CCDC197: variants seen among roughly 807,000 people sequenced by gnomAD.
The protein encoded by CCDC197 is uncharacterized protein CCDC197.
Under a neutral mutation model 13.4 loss-of-function variants are expected in CCDC197, and 24 were observed. That is an observed-to-expected ratio of 1.80 (90% CI 1.30 to 2.53). The LOEUF (loss-of-function observed/expected upper bound fraction) is 2.53, where lower values mean the gene tolerates loss of function less well. Among genes scored for constraint, CCDC197 ranks in the 30% most tolerant of loss-of-function variants. CCDC197 has a pLI of 0.00. For synonymous variants in CCDC197, 99 were observed against 55.5 expected, an observed-to-expected ratio of 1.78 and a Z score of -3.48; for missense variants, 255 against 148.8, an observed-to-expected ratio of 1.71 and a Z score of -3.71.
At chr14:93,990,998 A>G (rs1315832050) in intron 1 of CCDC197, among the ~76,000 whole-genome samples, 1 of 152,160 alleles carries the variant, frequency 6.6e-6, no homozygotes, top group African/African-American at 2.4e-5. Context: ...GCAGCTCATG[A>G]CTGATGAGAG....
rs1890604505 is a variant in CCDC197, at chr14:94,003,800, A to C, written c.498+446A>C. ...TTTGAGGGGTCCGATGTTACTTCACAGATGGGAAAACTGAGGCCACAGATA... is the reference window on the plus strand; with the variant it reads ...TTTGAGGGGTCCGATGTTACTTCACCGATGGGAAAACTGAGGCCACAGATA... On this transcript the variant is annotated intron_variant, in intron 5 of 6. Coordinates refer to ENST00000636493, the MANE Select transcript of CCDC197 (RefSeq NM_001351596.2). The surrounding 1 kb of genome is among the most constrained non-coding windows in gnomAD (Gnocchi z 5.0). 6.6e-6 allele frequency among the ~76,000 whole-genome samples: 1 copy of C among 152,202 alleles called. No individual in the cohort carries two copies. The highest frequency in any genetic ancestry group is 1.9e-4 in the East Asian group (1 of 5,188).
At chr14:94,007,241 G>T (rs190756375) in intron 6 of CCDC197, 1 of 152,320 alleles carries the variant, frequency 6.6e-6, no homozygotes, top group African/African-American at 2.4e-5. Flanking sequence ...CTTGTGAGAA[G>T]TTTATAGTTT....
At position 94,008,767 on chromosome 14, in the gene CCDC197, C is replaced by G; in HGVS notation, c.774C>G (p.Thr258=). Residue 258 remains threonine (T), a synonymous_variant, in exon 7 of 7, where the codon ACC becomes ACG. Transcript: ENST00000636493. ...CPRRRVSTPR[T]PFPSPHASEC... ...GGAGGCGGGTTTCCACCCCCAGGAC[C>G]CCCTTTCCCAGCCCCCATGCTTCAG... is the stretch of plus-strand genomic sequence containing the variant. The G allele has an allele frequency of 1.4e-6, 1 of 702,660 alleles. No individual in the cohort carries two copies. The highest frequency in any genetic ancestry group is 2.6e-6 in the Non-Finnish European group (1 of 385,002). The allele number at this position is 702,660 out of a possible 1,614,324, so 43.5% of individuals were successfully genotyped here.
upstream of CCDC197, among the ~76,000 whole-genome samples, chr14:93,996,510 G>A (rs1048623981): frequency 2.0e-5 from 3 of 151,690 alleles, no homozygotes; most frequent in East Asian, 5.8e-4. Context: ...CCCAGCCCTT[G>A]CTCTGCCCCT....
intron 6 of CCDC197, 38 bp downstream of exon 6, chr14:94,005,009 C>A: frequency 1.4e-6 from 1 of 693,276 alleles, no homozygotes; most frequent in Non-Finnish European, 2.6e-6. Flanking sequence ...TCCTGACTGC[C>A]CCAGGCAAGA....
At chr14:93,994,028 G>A (rs1381505216), upstream of CCDC197, among the ~76,000 whole-genome samples, 1 of 151,094 alleles carries the variant, frequency 6.6e-6, no homozygotes, top group African/African-American at 2.4e-5. Context: ...TGCTGGTTGA[G>A]TGAGGCTGGG....
Position 93,991,776 on chromosome 14 carries a change from AG to A in CCDC197, c.-107+4383del, listed in dbSNP as rs536997586. 6.1e-3 allele frequency among the ~76,000 whole-genome samples: 928 copies of A among 152,292 alleles called. 7 individuals are homozygous for A. Among genetic ancestry groups the A allele is most frequent in the Non-Finnish European group, 7.2e-3 (489 of 68,018 alleles). On this transcript the variant is annotated intron_variant, in intron 1 of 7. Transcript: ENST00000640978. ...GAGGAGCTGGGATCTGGAAGACCAG[AG>A]GGAAAGAGTGCTATGAAGAGCTTGG...
chr14:94,000,929 A>T, intron 3 of CCDC197: 2 of 366,718 alleles, frequency 5.5e-6, no homozygotes, highest in East Asian at 5.2e-5. Context: ...GAACTTTCCA[A>T]GGTTGAGGAT....
intron 2 of CCDC197, 57 bp from the exon 3 acceptor site, chr14:93,999,526 G>C (rs1447084840): frequency 2.6e-6 from 2 of 776,014 alleles, no homozygotes; most frequent in Non-Finnish European, 4.8e-6. Context: ...TTCATTCACA[G>C]GGGGTCCTGC....
At chr14:94,002,679 C>A (rs1346066379) in intron 4 of CCDC197, among the ~76,000 whole-genome samples, 1 of 151,830 alleles carries the variant, frequency 6.6e-6, no homozygotes, top group East Asian at 1.9e-4. Context: ...ATGGTGAAAC[C>A]CCATCTCTAC....
chr14:94,008,485 C>A, intron 6 of CCDC197, 124 bp from the exon 7 acceptor site: 1 of 630,610 alleles, frequency 1.6e-6, no homozygotes, highest in Non-Finnish European at 2.9e-6. Context: ...ATACCACATC[C>A]TTTGCAGGGC....
chr14:94,003,891 T>A lies in CCDC197; in HGVS notation c.498+537T>A, dbSNP rs989690112. 2.0e-5 allele frequency among the ~76,000 whole-genome samples: 3 copies of A among 152,178 alleles called. No homozygotes were observed. Among genetic ancestry groups the A allele is most frequent in the Non-Finnish European group, 4.4e-5 (3 of 68,020 alleles). ...ACCGGCCCAGTCCCAGGGCTTGGTG[T>A]TGTGCCGAGCTCTTAGTCCTTGTAT... On this transcript the variant is annotated intron_variant, in intron 5 of 6. Transcript: ENST00000636493. The surrounding 1 kb of genome is among the most constrained non-coding windows in gnomAD (Gnocchi z 5.0).
chr14:94,001,891 G>A (rs1890524086), intron 4 of CCDC197, among the ~76,000 whole-genome samples: 1 of 152,216 alleles, frequency 6.6e-6, no homozygotes, highest in Non-Finnish European at 1.5e-5. Context: ...CGGGATCCCA[G>A]AGGAAGGATG....
At chr14:94,001,080 C>T in intron 3 of CCDC197, 65 bp from the exon 4 acceptor site, 2 of 666,234 alleles carry the variant, frequency 3.0e-6, no homozygotes, top group Non-Finnish European at 5.6e-6. Context: ...GAATTCCTGG[C>T]CACCCTGTTG....
intron 6 of CCDC197, chr14:94,007,368 T>A (rs894672105): frequency 6.6e-6 from 1 of 152,202 alleles, no homozygotes; most frequent in Non-Finnish European, 1.5e-5. Context: ...ATACCATTTG[T>A]TTAAAAAGTT....
rs73346241 is a variant in CCDC197, at chr14:93,999,290, G to A, written c.105-293G>A. On this transcript the variant is annotated intron_variant, in intron 2 of 6. Transcript: ENST00000636493. ...GCCACCTGCACAGCCTCCAGGGGAG[G>A]CACTGAAGACTCTGGCCAGAAAGGC... is the stretch of plus-strand genomic sequence containing the variant. 3.7e-3 allele frequency: 1,318 copies of A among 354,200 alleles called. 20 individuals carry two copies. Among genetic ancestry groups the A allele is most frequent in the African/African-American group, 0.027 (1,238 of 46,524 alleles). 21.9% of individuals were successfully genotyped at this position (354,200 alleles called of 1,614,324 possible).
chr14:93,996,565 C>T (rs113899514), upstream of CCDC197, among the ~76,000 whole-genome samples: 1,270 of 152,268 alleles, frequency 8.3e-3, 21 homozygotes, highest in African/African-American at 0.028. Flanking sequence ...CACTCTGGCT[C>T]AGGCCCTGCC....
intron 1 of CCDC197, among the ~76,000 whole-genome samples, chr14:93,987,661 G>T (rs551065097): frequency 6.6e-6 from 1 of 152,228 alleles, no homozygotes; most frequent in African/African-American, 2.4e-5. Context: ...CTCTGGAGGC[G>T]GGCAGCCCCA....
intron 5 of CCDC197, 90 bp from the exon 6 acceptor site, chr14:94,004,765 G>A (rs914687175): frequency 1.5e-5 from 10 of 666,128 alleles, no homozygotes; most frequent in African/African-American, 3.5e-5. Flanking sequence ...CTCTGTCCAC[G>A]ACACTTCGCT....
Sources: allele counts gnomAD v4.1 joint callset (sites outside exome capture counted in the v4.1 genomes callset), GRCh38; gene constraint gnomAD v4.1.1; non-coding constraint Gnocchi (gnomAD v3.1); transcripts MANE v1.5; gene names NCBI Gene and HGNC (gene_info 2026-07-23, HGNC 2026-07-21).